CHST13: variants seen among roughly 807,000 people sequenced by gnomAD.
CHST13 encodes C4ST-3.
In CHST13, 1 loss-of-function variant was observed where a neutral mutation model predicts 7.0. The observed-to-expected ratio is 0.14, with a 90% CI of 0.05 to 0.68. The LOEUF (loss-of-function observed/expected upper bound fraction) is 0.68. Among genes scored for constraint, CHST13 ranks in the 30% least tolerant of loss-of-function variants. The pLI, the probability that CHST13 is intolerant of heterozygous loss-of-function variation, is 0.82. For synonymous variants in CHST13, 257 were observed against 240.9 expected, an observed-to-expected ratio of 1.07 and a Z score of -0.62; for missense variants, 572 against 507.9, an observed-to-expected ratio of 1.13 and a Z score of -1.21.
intron 1 of CHST13, among the ~76,000 whole-genome samples, chr3:126,524,713 A>G (rs940398443): frequency 6.6e-6 from 1 of 152,130 alleles, no homozygotes; most frequent in Non-Finnish European, 1.5e-5. Context: ...TGTGGGGGGT[A>G]GAGGACAATT....
chr3:126,539,748 C>CCCCA (rs1553814416), intron 2 of CHST13, among the ~76,000 whole-genome samples: 1 of 98,446 alleles, frequency 1.0e-5, no homozygotes, highest in Non-Finnish European at 2.0e-5. Flanking sequence ...ACACCCCACA[C>CCCCA]CACACACTCC....
intron 1 of CHST13, among the ~76,000 whole-genome samples, chr3:126,526,055 G>A (rs1339839846): frequency 6.6e-6 from 1 of 152,154 alleles, no homozygotes; most frequent in African/African-American, 2.4e-5. Context: ...CAGCATCTCA[G>A]CATCTCTCTC....
chr3:126,531,089 G>A (rs1936649308), intron 1 of CHST13, among the ~76,000 whole-genome samples: 1 of 152,268 alleles, frequency 6.6e-6, no homozygotes, highest in Non-Finnish European at 1.5e-5. Context: ...ATTCAGCACA[G>A]ACCATATTCT....
rs551202570 is a variant in CHST13 at position 126,538,428 on chromosome 3, T to A, written c.180+2075T>A. Among the ~76,000 whole-genome samples, 5 of 152,326 alleles carry A rather than the reference T, an allele frequency of 3.3e-5. No homozygotes were observed. The East Asian group carries it at 9.7e-4, about 29-fold the overall frequency. ...CCTGGGAGTCATCTGGCTAATCCCC[T>A]GATATCGCCTCAGGCAGAGCCAGGC... On this transcript the variant is annotated intron_variant, in intron 2 of 2. Coordinates refer to ENST00000319340, the MANE Select transcript of CHST13 (RefSeq NM_152889.3).
chr3:126,527,861 G>A (rs1936569595), intron 1 of CHST13: 1 of 152,146 alleles, frequency 6.6e-6, no homozygotes, highest in African/African-American at 2.4e-5. Context: ...CTGCAGAACA[G>A]GAATTGGCAA....
Position 126,542,319 on chromosome 3 carries a change from C to T in CHST13, c.767C>T (p.Pro256Leu), listed in dbSNP as rs370535687. 1.3e-6 allele frequency: 2 copies of T among 1,568,850 alleles called. No individual in the cohort carries two copies. Among genetic ancestry groups the T allele is most frequent in the African/African-American group, 1.4e-5 (1 of 71,936 alleles). Residue 256 changes from proline to leucine, a missense_variant, in exon 3 of 3, where the codon CCG becomes CTG. Transcript: ENST00000319340. ...HWERAHALCHPCRLRYDVVGK... is the reference protein window; with the variant it reads ...HWERAHALCHLCRLRYDVVGK... ...GAGCGCGCGCACGCGCTCTGCCACC[C>T]GTGTCGCCTCCGCTACGACGTCGTG...
chr3:126,526,898 T>C (rs1936546939), intron 1 of CHST13: 2 of 152,320 alleles, frequency 1.3e-5, no homozygotes, highest in African/African-American at 2.4e-5. Context: ...GTGACCATGC[T>C]TCCCGTGGCT....
chr3:126,531,758 T>C (rs190704556), intron 1 of CHST13, among the ~76,000 whole-genome samples: 1 of 152,360 alleles, frequency 6.6e-6, no homozygotes, highest in East Asian at 1.9e-4. Flanking sequence ...TCATGAATAA[T>C]GCTGATGGGA....
At position 126,524,315 on chromosome 3, in the gene CHST13, C is replaced by CCGCG; in HGVS notation, c.-14_-11dup. The CCGCG allele has an allele frequency of 8.1e-7, 1 of 1,232,548 alleles. No individual in the cohort carries two copies. Among genetic ancestry groups the CCGCG allele is most frequent in the Non-Finnish European group, 1.0e-6 (1 of 988,260 alleles). 76.4% of individuals were successfully genotyped at this position (1,232,548 alleles called of 1,614,324 possible). On this transcript the variant is annotated 5_prime_UTR_variant, in exon 1 of 3. Coordinates refer to ENST00000319340, the MANE Select transcript of CHST13 (RefSeq NM_152889.3). ...GCCGTATCCAGCGGACTGTCCTCCG[C>CCGCG]CGCGCGCCCGGCACAGCATGGGGAG...
Position 126,529,517 on chromosome 3 carries a change from C to T in CHST13, c.97+5088C>T, listed in dbSNP as rs530702088. The stretch of plus-strand genomic sequence containing the variant: ...GCACAGCAAGGAAGCTGTGAGGCCT[C>T]GGGCAAGTTTCTTTGCCTCAGTTTC... On this transcript the variant is annotated intron_variant, in intron 1 of 2. Coordinates refer to ENST00000319340, the MANE Select transcript of CHST13 (RefSeq NM_152889.3). 9.5e-5 allele frequency: 57 copies of T among 602,228 alleles called. No individual in the cohort carries two copies. The East Asian group carries it at 2.9e-3, about 31-fold the overall frequency. 37.3% of individuals were successfully genotyped at this position (602,228 alleles called of 1,614,324 possible). A position where few individuals can be genotyped will look rare whatever the true frequency, so the allele number is the denominator to read the frequency against.
intron 2 of CHST13, among the ~76,000 whole-genome samples, chr3:126,539,200 T>C (rs1936868294): frequency 6.6e-6 from 1 of 152,176 alleles, no homozygotes; most frequent in African/African-American, 2.4e-5. Context: ...CTGGGATGAC[T>C]GCGAAGCCAG....
chr3:126,540,724 A>G (rs974118898), intron 2 of CHST13, among the ~76,000 whole-genome samples: 5 of 152,150 alleles, frequency 3.3e-5, no homozygotes, highest in Non-Finnish European at 7.3e-5. Flanking sequence ...AGTTCTCTTG[A>G]GAATATGCCT....
rs185520007 is a variant in CHST13, at chr3:126,540,939, T to C, written c.181-794T>C. 2.0e-5 allele frequency among the ~76,000 whole-genome samples: 3 copies of C among 152,376 alleles called. No individual in the cohort carries two copies. The East Asian group carries it at 5.8e-4, about 29-fold the overall frequency. ...TAAGAAGTTAAAACACTTTCTTTTA[T>C]GAACTCTTACACAAAAAATCATAGG... On this transcript the variant is annotated intron_variant, in intron 2 of 2. Coordinates refer to ENST00000319340, the MANE Select transcript of CHST13 (RefSeq NM_152889.3).
At chr3:126,525,564 G>A (rs1009657665) in intron 1 of CHST13, among the ~76,000 whole-genome samples, 16 of 152,140 alleles carry the variant, frequency 1.1e-4, no homozygotes, top group Non-Finnish European at 2.2e-4. Context: ...TGGTGGTGTT[G>A]AGCAGACAAT....
chr3:126,539,988 GAC>G (rs368474448), intron 2 of CHST13, among the ~76,000 whole-genome samples: 10 of 72,892 alleles, frequency 1.4e-4, no homozygotes, highest in South Asian at 4.9e-4. Context: ...ACACACGCAT[GAC>G]ACACACACAC....
chr3:126,528,145 G>A (rs999977233), intron 1 of CHST13, among the ~76,000 whole-genome samples: 1 of 151,706 alleles, frequency 6.6e-6, no homozygotes, highest in Non-Finnish European at 1.5e-5. Context: ...TGTGGGTGGG[G>A]CTCTGGGTCC....
chr3:126,531,193 C>T (rs72982010), intron 1 of CHST13, among the ~76,000 whole-genome samples: 18,115 of 152,292 alleles, frequency 0.12, 1,676 homozygotes, highest in African/African-American at 0.26. Flanking sequence ...AATGCAGATT[C>T]TTGGGCCCCA....
intron 1 of CHST13, chr3:126,529,057 G>T (rs1015999199): frequency 2.8e-6 from 1 of 354,644 alleles, no homozygotes; most frequent in Middle Eastern, 7.6e-4. Context: ...ACCAGAAGCC[G>T]AGTGTCATCA....
Position 126,542,443 on chromosome 3 carries a change from C to T in CHST13, c.891C>T (p.Ala297=). 6.4e-7 allele frequency: 1 copy of T among 1,559,758 alleles called. No individual in the cohort carries two copies. Among genetic ancestry groups the T allele is most frequent in the Non-Finnish European group, 8.7e-7 (1 of 1,155,142 alleles). ...CTGGGCCGCCGCGGCCCCGGGGAGC[C>T]GCCGCCTCCCGCGACCTGGCAGCGC... ...SFPGPPRPRG[A]AASRDLAARL... is the part of the protein sequence containing the mutation. The change falls in exon 3 of 3, where the codon GCC becomes GCT. Residue 297 remains alanine, a synonymous_variant. Coordinates refer to ENST00000319340, the MANE Select transcript of CHST13 (RefSeq NM_152889.3).
Sources: gnomAD v4.1 joint callset for allele counts (sites outside exome capture counted in the v4.1 genomes callset) on GRCh38, gnomAD v4.1.1 for gene constraint, MANE v1.5 for transcripts, NCBI Gene and HGNC (gene_info 2026-07-23, HGNC 2026-07-21) for gene names.